The following MFAP3 variants were observed in gnomAD, a reference collection of about 807,000 sequenced individuals.
The protein encoded by MFAP3 is microfibril associated protein 3.
MFAP3 carries 8 observed loss-of-function variants against 20.5 expected under a neutral mutation model. The observed-to-expected ratio is 0.39, with a 90% CI of 0.23 to 0.70. The LOEUF is 0.70. Among genes scored for constraint, MFAP3 ranks in the 30% least tolerant of loss-of-function variants. The pLI is 0.44. For missense variants in MFAP3, 398 were observed against 444.6 expected (o/e 0.90, Z 0.94); for synonymous variants, 140 against 154.0 (o/e 0.91, Z 0.67).
chr5:154,052,410 G>C (rs934701627), intron 2 of MFAP3, among the ~76,000 whole-genome samples: 1 of 151,340 alleles, frequency 6.6e-6, no homozygotes, highest in Non-Finnish European at 1.5e-5. Context: ...ATTTCTTCTT[G>C]TTATATAATT....
In MFAP3 at chr5:154,053,671, CTG is replaced by C. The variant is rs773622523; in HGVS notation, c.1049_1050del (p.Cys350Ter). On this transcript the variant is annotated frameshift_variant, in exon 3 of 3. Transcript: ENST00000522782. LOFTEE classifies it high-confidence loss of function. Reference sequence around the variant, plus strand: ...ATGATATAGGATCTGCAGAATCTAACTGTAACTACAAAGATGGGGCATATGAA... The same window carrying C: ...ATGATATAGGATCTGCAGAATCTAACTAACTACAAAGATGGGGCATATGAA... ...PDDIGSAESN[C>X]NYKDGAYENC... The C allele has an allele frequency of 3.7e-6, 6 of 1,613,510 alleles. No individual in the cohort carries two copies. Among genetic ancestry groups the C allele is most frequent in the East Asian group, 2.2e-5 (1 of 44,894 alleles).
At position 154,053,024 on chromosome 5, in the gene MFAP3, T is replaced by A; in HGVS notation, c.400T>A (p.Tyr134Asn). The A allele has an allele frequency of 6.2e-7, 1 of 1,613,950 alleles. No homozygotes were observed. The highest frequency in any genetic ancestry group is 8.5e-7 in the Non-Finnish European group (1 of 1,179,894). ...CFVTSPIRAS[Y>N]SVTLRVIFTS... ...CGTCACCTCTCCAATTCGTGCCTCC[T>A]ACTCTGTCACCCTACGTGTTATCTT... Residue 134 changes from tyrosine to asparagine, a missense_variant, in exon 3 of 3, where the codon TAC becomes AAC. Transcript: ENST00000522782.
At chr5:154,049,532 A>G in intron 1 of MFAP3, 25 bp from the exon 2 acceptor site, 1 of 588,970 alleles carries the variant, frequency 1.7e-6, no homozygotes, top group Non-Finnish European at 3.0e-6. Flanking sequence ...CAGTTGGTTA[A>G]ACTTTGTATC....
At position 154,055,898 on chromosome 5, in the gene MFAP3, G is replaced by A. The variant is rs1331350756; in HGVS notation, c.*2185G>A. 3.9e-5 allele frequency among the ~76,000 whole-genome samples: 6 copies of A among 152,122 alleles called. No individual in the cohort carries two copies. Among genetic ancestry groups the A allele is most frequent in the Non-Finnish European group, 8.8e-5 (6 of 68,008 alleles). On this transcript the variant is annotated 3_prime_UTR_variant, in exon 3 of 3. Transcript: ENST00000522782. Reference sequence around the variant, plus strand: ...GTTGAGATTACAGGCATGAGCCACTGTGCCTGGCCAAAAAACATTTTAAAT... The same window carrying A: ...GTTGAGATTACAGGCATGAGCCACTATGCCTGGCCAAAAAACATTTTAAAT...
At chr5:154,050,666 AT>A (rs1486870049) in intron 2 of MFAP3, among the ~76,000 whole-genome samples, 5 of 121,942 alleles carry the variant, frequency 4.1e-5, no homozygotes, top group Admixed American at 8.7e-5. Flanking sequence ...GAAATGAGAA[AT>A]TTTTTTTTGC....
chr5:154,053,904 T>C lies in MFAP3; in HGVS notation c.*191T>C. 1.7e-6 allele frequency: 1 copy of C among 576,172 alleles called. No individual in the cohort carries two copies. Among genetic ancestry groups the C allele is most frequent in the Non-Finnish European group, 3.1e-6 (1 of 319,164 alleles). 35.7% of individuals were successfully genotyped at this position (576,172 alleles called of 1,614,324 possible). A position where few individuals can be genotyped will look rare whatever the true frequency, so the allele number is the denominator to read the frequency against. On this transcript the variant is annotated 3_prime_UTR_variant, in exon 3 of 3. Coordinates refer to ENST00000522782, the MANE Select transcript of MFAP3 (RefSeq NM_005927.5). ...ATTTTTCCTCTCTGATACTTTTCAG[T>C]CATTTTCCTTAGAGCTTTATTAAAT...
At chr5:154,051,789 C>G (rs1343095600) in intron 2 of MFAP3, 1 of 152,128 alleles carries the variant, frequency 6.6e-6, no homozygotes, top group African/African-American at 2.4e-5. Flanking sequence ...AGAGTGCTTA[C>G]TAATTTATGT....
intron 2 of MFAP3, among the ~76,000 whole-genome samples, chr5:154,051,113 T>G (rs1050772788): frequency 2.2e-4 from 33 of 152,220 alleles, no homozygotes; most frequent in African/African-American, 8.0e-4. Flanking sequence ...TTAGGGTATT[T>G]TTAATCAGCA....
intron 1 of MFAP3, among the ~76,000 whole-genome samples, chr5:154,046,752 A>C (rs1773079327): frequency 6.6e-6 from 1 of 152,140 alleles, no homozygotes; most frequent in Admixed American, 6.5e-5. Flanking sequence ...AAGTTCCTGA[A>C]TCTCAGAGCA....
intron 1 of MFAP3, among the ~76,000 whole-genome samples, chr5:154,046,665 T>C (rs1386912476): frequency 3.9e-5 from 6 of 152,220 alleles, no homozygotes; most frequent in Admixed American, 6.5e-5. Flanking sequence ...GTGGGAGTTA[T>C]GCTTTGCCAA....
chr5:154,050,035 A>T lies in MFAP3; in HGVS notation c.295+18A>T. On this transcript the variant is annotated intron_variant, in intron 2 of 2. Transcript: ENST00000522782. ...AAGCAGAGGTAATTGGTCAGGGTAT[A>T]ATTAATCAAGGTTACTCATTTCCTG... The T allele has an allele frequency of 6.4e-7, 1 of 1,572,554 alleles. No individual in the cohort carries two copies. The highest frequency in any genetic ancestry group is 1.2e-5 in the South Asian group (1 of 85,092).
At chr5:154,046,997 C>T (rs1294775309) in intron 1 of MFAP3, among the ~76,000 whole-genome samples, 4 of 152,148 alleles carry the variant, frequency 2.6e-5, no homozygotes, top group African/African-American at 4.8e-5. Flanking sequence ...AGGAATCAGA[C>T]GCAGCATTTT....
At chr5:154,043,456 T>G (rs845705) in intron 1 of MFAP3, among the ~76,000 whole-genome samples, 2 of 151,636 alleles carry the variant, frequency 1.3e-5, no homozygotes, top group African/African-American at 2.4e-5. Flanking sequence ...GAGGCTGAGG[T>G]GGGAGAATCG....
intron 1 of MFAP3, among the ~76,000 whole-genome samples, chr5:154,045,521 A>G (rs816037): frequency 0.61 from 93,323 of 152,032 alleles, 29,184 homozygotes; most frequent in East Asian, 0.88. Flanking sequence ...AGTGTTTTAT[A>G]ATGATGTAAC....
At chr5:154,044,680 CTATGT>C (rs1230428401) in intron 1 of MFAP3, among the ~76,000 whole-genome samples, 1 of 152,096 alleles carries the variant, frequency 6.6e-6, no homozygotes, top group Non-Finnish European at 1.5e-5. Flanking sequence ...AGGCAAATGG[CTATGT>C]CTGTACAACA....
Position 154,056,052 on chromosome 5 carries a change from C to T in MFAP3, c.*2339C>T, listed in dbSNP as rs1262728895. On this transcript the variant is annotated 3_prime_UTR_variant, in exon 3 of 3. Coordinates refer to ENST00000522782, the MANE Select transcript of MFAP3 (RefSeq NM_005927.5). Reference sequence around the variant, plus strand: ...TTGTCAAATTAGAGAATGGTTTTACCCCACATGTTCTCATAGGAGACATTA... The same window carrying T: ...TTGTCAAATTAGAGAATGGTTTTACTCCACATGTTCTCATAGGAGACATTA... 1.3e-5 allele frequency among the ~76,000 whole-genome samples: 2 copies of T among 152,072 alleles called. No homozygotes were observed. Among genetic ancestry groups the T allele is most frequent in the Non-Finnish European group, 2.9e-5 (2 of 68,002 alleles).
intron 1 of MFAP3, among the ~76,000 whole-genome samples, chr5:154,047,442 A>G (rs1378627062): frequency 1.3e-5 from 2 of 152,208 alleles, no homozygotes; most frequent in East Asian, 3.8e-4. Flanking sequence ...GGGGAAGAGT[A>G]GAAAGGAAGG....
At chr5:154,041,453 G>A (rs1240979414) in intron 1 of MFAP3, among the ~76,000 whole-genome samples, 2 of 152,226 alleles carry the variant, frequency 1.3e-5, no homozygotes, top group Non-Finnish European at 2.9e-5. Context: ...GCACATCATA[G>A]CTAATTTGTG....
rs1298601929 is a variant in MFAP3 at position 154,053,842 on chromosome 5, A to G, written c.*129A>G. 1.2e-6 allele frequency: 1 copy of G among 807,316 alleles called. No individual in the cohort carries two copies. Among genetic ancestry groups the G allele is most frequent in the East Asian group, 2.6e-5 (1 of 38,046 alleles). 50.0% of individuals were successfully genotyped at this position (807,316 alleles called of 1,614,324 possible). A position where few individuals can be genotyped will look rare whatever the true frequency, so the allele number is the denominator to read the frequency against. ...TCCGTTTGTTAATATTAAGCACATC[A>G]GAACGTGAATTGCCAAAGTCTTCAT... On this transcript the variant is annotated 3_prime_UTR_variant, in exon 3 of 3. Transcript: ENST00000522782.
Sources: allele counts gnomAD v4.1 joint callset (sites outside exome capture counted in the v4.1 genomes callset), GRCh38; gene constraint gnomAD v4.1.1; transcripts MANE v1.5; gene names NCBI Gene and HGNC (gene_info 2026-07-23, HGNC 2026-07-21).